The following KIAA0586 variants were observed in gnomAD, a reference collection of about 807,000 sequenced individuals.
The protein encoded by KIAA0586 is protein TALPID3.
KIAA0586 carries 144 observed loss-of-function variants against 169.8 expected under a neutral mutation model. The ratio of observed to expected loss-of-function variants is 0.85; its 90% CI spans 0.74 to 0.97. The LOEUF (loss-of-function observed/expected upper bound fraction) is 0.97. Ranked by LOEUF, KIAA0586 falls within the 50% of genes least tolerant of loss-of-function variation. The pLI, the probability that KIAA0586 is intolerant of heterozygous loss-of-function variation, is 0.00. For synonymous variants in KIAA0586, 625 were observed against 612.4 expected (o/e 1.02, Z -0.30); for missense variants, 1,854 against 1,823.0 (o/e 1.02, Z -0.31).
intron 2 of KIAA0586, among the ~76,000 whole-genome samples, chr14:58,430,363 T>C (rs1250588388): frequency 6.6e-6 from 1 of 152,228 alleles, no homozygotes; most frequent in Non-Finnish European, 1.5e-5. Flanking sequence ...TGACTTGCTC[T>C]GCTACAAGTG....
chr14:58,551,878 C>T (rs1469449901), downstream of KIAA0586, among the ~76,000 whole-genome samples: 3 of 152,104 alleles, frequency 2.0e-5, no homozygotes, highest in Non-Finnish European at 2.9e-5. Flanking sequence ...AGAGTACAGT[C>T]CTTAATATTT....
chr14:58,550,478 A>G lies in KIAA0586; in HGVS notation c.*2546A>G, dbSNP rs2047175053. ...TTTATATTAAATTTTACAATTTCCA[A>G]CTTCCGGAATAAACTATTTATGAGA... On this transcript the variant is annotated 3_prime_UTR_variant, in exon 31 of 31. Coordinates refer to ENST00000652326, the MANE Select transcript of KIAA0586 (RefSeq NM_001329943.3). The G allele has an allele frequency of 6.6e-6, 1 of 152,096 alleles. No homozygotes were observed. Among genetic ancestry groups the G allele is most frequent in the Non-Finnish European group, 1.5e-5 (1 of 68,004 alleles). The allele number at this position is 152,096 out of a possible 1,614,324, so 9.4% of individuals were successfully genotyped here.
At position 58,494,975 on chromosome 14, in the gene KIAA0586, T is replaced by G. The variant is rs372784203; in HGVS notation, c.3990+2700T>G. Among the ~76,000 whole-genome samples the G allele has an allele frequency of 3.3e-4, 50 of 152,254 alleles. 1 individual carries two copies. The South Asian group carries it at 4.1e-3, about 13-fold the overall frequency. ...CCATTCATTCCTCTCACAAAGCCCC[T>G]CCACACAGCCTCCTCGCTAGGATGC... On this transcript the variant is annotated intron_variant, in intron 26 of 30. Transcript: ENST00000652326.
chr14:58,508,673 T>C lies in KIAA0586; in HGVS notation c.4287T>C (p.Asp1429=). ...PTTLLTAQEN[D]VNLPVAAEDF... is the part of the protein sequence containing the mutation. ...CACTTCTGACAGCACAAGAAAATGA[T>C]GTTAATTTACCAGTAGCCGCTGAAG... Residue 1429 remains aspartate, a synonymous_variant, in exon 28 of 31, where the codon GAT becomes GAC. Transcript: ENST00000652326. 6.3e-7 allele frequency: 1 copy of C among 1,593,362 alleles called. No individual in the cohort carries two copies. The highest frequency in any genetic ancestry group is 2.3e-5 in the East Asian group (1 of 44,258).
intron 30 of KIAA0586, among the ~76,000 whole-genome samples, chr14:58,546,387 G>A (rs1413554303): frequency 6.6e-6 from 1 of 152,104 alleles, no homozygotes; most frequent in Non-Finnish European, 1.5e-5. Flanking sequence ...AAAATCTCCA[G>A]AACTGTCTAA....
At chr14:58,535,576 A>G (rs923860351) in intron 29 of KIAA0586, among the ~76,000 whole-genome samples, 1 of 152,148 alleles carries the variant, frequency 6.6e-6, no homozygotes, top group African/African-American at 2.4e-5. Context: ...AAATGCTATT[A>G]TTTAAGAGAG....
intron 25 of KIAA0586, among the ~76,000 whole-genome samples, chr14:58,490,769 T>C (rs1358999905): frequency 6.6e-6 from 1 of 152,114 alleles, no homozygotes; most frequent in Non-Finnish European, 1.5e-5. Flanking sequence ...GAAGTGATAG[T>C]AAGAATTTTC....
At chr14:58,510,602 T>C (rs2044320781) in intron 28 of KIAA0586, among the ~76,000 whole-genome samples, 1 of 152,158 alleles carries the variant, frequency 6.6e-6, no homozygotes, top group Non-Finnish European at 1.5e-5. Flanking sequence ...ACCCACCATA[T>C]GAACCATGCA....
At chr14:58,457,238 C>A (rs191702027) in intron 10 of KIAA0586, among the ~76,000 whole-genome samples, 7 of 152,170 alleles carry the variant, frequency 4.6e-5, no homozygotes, top group Non-Finnish European at 2.9e-5. Flanking sequence ...GGATTTCTCA[C>A]CTCTATTTTA....
chr14:58,456,804 G>A lies in KIAA0586; in HGVS notation c.1356G>A (p.Met452Ile). The A allele has an allele frequency of 6.4e-7, 1 of 1,559,228 alleles. No homozygotes were observed. The highest frequency in any genetic ancestry group is 8.8e-7 in the Non-Finnish European group (1 of 1,137,874). Residue 452 changes from methionine to isoleucine, a missense_variant, in exon 10 of 31, where the codon ATG (methionine) becomes ATA (isoleucine). Met to Ile is a conservative substitution (Grantham distance 10, BLOSUM62 1). Coordinates refer to ENST00000652326, the MANE Select transcript of KIAA0586 (RefSeq NM_001329943.3). ...LGQKEKETNS[M>I]VQPKESLSML... Reference sequence around the variant, plus strand: ...AAAAAGAGAAAGAAACAAATAGCATGGTCCAGGTAAAGTGGGAATGGTCTT... The same window carrying A: ...AAAAAGAGAAAGAAACAAATAGCATAGTCCAGGTAAAGTGGGAATGGTCTT...
At chr14:58,526,670 C>T (rs1430748923) in intron 29 of KIAA0586, among the ~76,000 whole-genome samples, 3 of 152,106 alleles carry the variant, frequency 2.0e-5, no homozygotes, top group South Asian at 2.1e-4. Context: ...CACAACTCCT[C>T]GCCAGCAAGG....
intron 6 of KIAA0586, among the ~76,000 whole-genome samples, chr14:58,447,984 T>C (rs1008458114): frequency 6.6e-6 from 1 of 152,212 alleles, no homozygotes; most frequent in African/African-American, 2.4e-5. Context: ...TAAAATTCTC[T>C]GATTCAAGTA....
rs181246129 is a variant in KIAA0586, at chr14:58,430,092, A to G, written c.271-556A>G. On this transcript the variant is annotated intron_variant, in intron 2 of 30. Transcript: ENST00000652326. ...ATGACAATTTTGTCAAAAGCTCACA[A>G]TAAAATGTATAATTATTTGCTGTAC... 3.3e-5 allele frequency among the ~76,000 whole-genome samples: 5 copies of G among 152,286 alleles called. No individual in the cohort carries two copies. The East Asian group carries it at 7.7e-4, about 24-fold the overall frequency.
intron 18 of KIAA0586, among the ~76,000 whole-genome samples, chr14:58,474,056 G>A (rs1027736967): frequency 3.9e-5 from 6 of 152,116 alleles, no homozygotes; most frequent in Non-Finnish European, 7.4e-5. Context: ...CACAAAGCAA[G>A]GGAGGGAGCA....
At chr14:58,519,681 A>G (rs549050049) in intron 29 of KIAA0586, among the ~76,000 whole-genome samples, 3 of 152,318 alleles carry the variant, frequency 2.0e-5, no homozygotes, top group Admixed American at 2.0e-4. Flanking sequence ...AAAGTGATAT[A>G]TGGGATAGTG....
chr14:58,487,994 A>G lies in KIAA0586; in HGVS notation c.3412A>G (p.Ile1138Val). ...VFTPTLSDIS[I>V]DKLKVSSPEL... ...TACCCCAACTTTGTCAGATATTTCC[A>G]TTGATAAATTGAAGGTATCAAGCCC... Residue 1138 changes from isoleucine to valine, a missense_variant, in exon 23 of 31, where the codon ATT becomes GTT. Ile to Val is a conservative substitution (Grantham distance 29). Transcript: ENST00000652326. 1 of 1,612,888 alleles carries G rather than the reference A, an allele frequency of 6.2e-7. No homozygotes were observed. The highest frequency in any genetic ancestry group is 1.1e-5 in the South Asian group (1 of 90,802).
chr14:58,450,105 C>A (rs907204867), intron 7 of KIAA0586, among the ~76,000 whole-genome samples: 2 of 152,072 alleles, frequency 1.3e-5, no homozygotes, highest in African/African-American at 4.8e-5. Context: ...TGACCATTAT[C>A]CTGTTTCGGA....
At chr14:58,436,524 A>G (rs1444058196) in intron 4 of KIAA0586, among the ~76,000 whole-genome samples, 4 of 152,194 alleles carry the variant, frequency 2.6e-5, no homozygotes, top group Non-Finnish European at 5.9e-5. Context: ...CAAAATTAGC[A>G]TATGTTTGGC....
At chr14:58,449,272 T>C (rs1460714619) in intron 7 of KIAA0586, among the ~76,000 whole-genome samples, 1 of 152,158 alleles carries the variant, frequency 6.6e-6, no homozygotes, top group African/African-American at 2.4e-5. Flanking sequence ...AAAACTGTTG[T>C]GCCCAGCACT....
Sources: gnomAD v4.1 joint callset for allele counts (sites outside exome capture counted in the v4.1 genomes callset) on GRCh38, gnomAD v4.1.1 for gene constraint, MANE v1.5 for transcripts, NCBI Gene and HGNC (gene_info 2026-07-23, HGNC 2026-07-21) for gene names.